Variants in CHM observed in about 807,000 individuals in gnomAD.
The protein encoded by CHM is rab proteins geranylgeranyltransferase component A 1.
In CHM, 10 loss-of-function variants were observed where a neutral mutation model predicts 49.0. That is an observed-to-expected ratio of 0.20 (90% CI 0.13 to 0.35). The LOEUF (loss-of-function observed/expected upper bound fraction) is 0.35. Among genes scored for constraint, CHM ranks in the 10% least tolerant of loss-of-function variants. CHM has a pLI of 1.00. For synonymous variants in CHM, 184 were observed against 167.5 expected, an observed-to-expected ratio of 1.10 and a Z score of -0.76; for missense variants, 455 against 478.4, an observed-to-expected ratio of 0.95 and a Z score of 0.46.
intron 2 of CHM, among the ~76,000 whole-genome samples, chrX:85,988,701 C>T (rs12849208): frequency 0.28 from 30,408 of 110,503 alleles, 3,513 homozygotes; most frequent in Admixed American, 0.39. Context: ...TCCCATGCAT[C>T]GATAATAGGC....
chrX:86,042,657 A>G (rs1250363738), intron 1 of CHM, among the ~76,000 whole-genome samples: 1 of 108,289 alleles, frequency 9.2e-6, no homozygotes, highest in Non-Finnish European at 1.9e-5. Flanking sequence ...ATCTCTACAA[A>G]AATAAAAAAA....
chrX:85,995,801 T>A (rs1932411575), intron 2 of CHM, among the ~76,000 whole-genome samples: 1 of 112,019 alleles, frequency 8.9e-6, no homozygotes, highest in African/African-American at 3.2e-5. Flanking sequence ...GAATACTAGA[T>A]TAGTTTGAAC....
chrX:85,964,339 C>G (rs1391894677), intron 4 of CHM, among the ~76,000 whole-genome samples: 1 of 110,608 alleles, frequency 9.0e-6, no homozygotes, highest in Admixed American at 9.6e-5. Flanking sequence ...CAAACCCTGA[C>G]CATATGACTA....
intron 12 of CHM, among the ~76,000 whole-genome samples, chrX:85,879,736 A>G (rs1176000203): frequency 1.8e-5 from 2 of 111,212 alleles, no homozygotes; most frequent in Non-Finnish European, 3.8e-5. Flanking sequence ...AGAAAGAATA[A>G]AGAGTTCTGT....
At chrX:86,045,932 A>G (rs1934636251) in intron 1 of CHM, among the ~76,000 whole-genome samples, 1 of 112,365 alleles carries the variant, frequency 8.9e-6, no homozygotes, top group Admixed American at 9.4e-5. Context: ...TGAATAGTCC[A>G]TTGGCTCTTT....
chrX:85,976,875 A>ACAC lies in CHM; in HGVS notation c.314+1891_314+1892insGTG, dbSNP rs371385149. 1.4e-3 allele frequency among the ~76,000 whole-genome samples: 108 copies of ACAC among 76,304 alleles called. 1 individual carries two copies. Among genetic ancestry groups the ACAC allele is most frequent in the Admixed American group, 2.5e-3 (14 of 5,662 alleles). 66.3% of individuals were successfully genotyped at this position (76,304 alleles called of 115,157 possible). Reference sequence around the variant, plus strand: ...CAATGCTAGGGGGAAAACACACACAAACACACACACACACACACACACACA... The same window carrying ACAC: ...CAATGCTAGGGGGAAAACACACACAACACACACACACACACACACACACACACA... On this transcript the variant is annotated intron_variant, in intron 4 of 14. Transcript: ENST00000357749.
intron 4 of CHM, among the ~76,000 whole-genome samples, chrX:85,967,808 C>T (rs1307162883): frequency 1.8e-5 from 2 of 111,342 alleles, no homozygotes; most frequent in Non-Finnish European, 1.9e-5. Flanking sequence ...TGCCAAAATT[C>T]ATATACTACT....
intron 12 of CHM, among the ~76,000 whole-genome samples, chrX:85,886,433 A>T (rs6623537): frequency 3.0e-4 from 34 of 112,348 alleles, no homozygotes; most frequent in African/African-American, 1.1e-3. Context: ...AAGTAAAAGT[A>T]GTTAGGAAAG....
chrX:85,993,688 T>C (rs1406257610), intron 2 of CHM, among the ~76,000 whole-genome samples: 10 of 112,076 alleles, frequency 8.9e-5, no homozygotes, highest in Non-Finnish European at 1.3e-4. Flanking sequence ...GTCTTATCTC[T>C]GGACATTGCC....
At chrX:85,896,359 C>A (rs1925834323) in intron 11 of CHM, among the ~76,000 whole-genome samples, 1 of 110,549 alleles carries the variant, frequency 9.0e-6, no homozygotes, top group African/African-American at 3.3e-5. Flanking sequence ...ATCAAAGCAA[C>A]TTTTAGGAAG....
intron 4 of CHM, among the ~76,000 whole-genome samples, chrX:85,974,993 A>G (rs1417915373): frequency 9.0e-6 from 1 of 110,950 alleles, no homozygotes; most frequent in Non-Finnish European, 1.9e-5. Flanking sequence ...CTGAAAACTC[A>G]ACAGTAAAAA....
intron 9 of CHM, among the ~76,000 whole-genome samples, chrX:85,906,748 T>G (rs945962638): frequency 1.8e-5 from 2 of 112,228 alleles, no homozygotes; most frequent in Non-Finnish European, 3.8e-5. Flanking sequence ...CATGCTAAAA[T>G]CAGTGCTTCA....
chrX:85,949,732 T>C (rs1929627150), intron 8 of CHM, among the ~76,000 whole-genome samples: 1 of 108,521 alleles, frequency 9.2e-6, no homozygotes, highest in Non-Finnish European at 1.9e-5. Flanking sequence ...CGTTCCCACC[T>C]AAAGTCATAA....
chrX:85,936,734 C>T (rs1365107664), intron 8 of CHM, among the ~76,000 whole-genome samples: 2 of 111,930 alleles, frequency 1.8e-5, no homozygotes, highest in African/African-American at 6.5e-5. Flanking sequence ...TAATCTAGAA[C>T]AAAAACAAAT....
chrX:86,002,750 G>A (rs1381302545), intron 2 of CHM, among the ~76,000 whole-genome samples: 1 of 112,559 alleles, frequency 8.9e-6, no homozygotes, highest in Non-Finnish European at 1.9e-5. Context: ...GAACTGGGCG[G>A]AGCTGACCAC....
intron 2 of CHM, among the ~76,000 whole-genome samples, chrX:86,013,058 A>G (rs1439569186): frequency 2.7e-5 from 3 of 111,189 alleles, no homozygotes; most frequent in Non-Finnish European, 5.7e-5. Context: ...CTTTCTTTGC[A>G]TACTCAGCAA....
At chrX:85,916,966 C>A (rs1448681595) in intron 8 of CHM, among the ~76,000 whole-genome samples, 2 of 112,377 alleles carry the variant, frequency 1.8e-5, no homozygotes, top group Non-Finnish European at 3.8e-5. Flanking sequence ...GAATATAAAT[C>A]ATTCTATTGT....
chrX:86,039,687 C>T (rs1409286181), intron 1 of CHM, among the ~76,000 whole-genome samples: 1 of 110,455 alleles, frequency 9.1e-6, no homozygotes, highest in Non-Finnish European at 1.9e-5. Context: ...CCCATTTTCC[C>T]GTGCGAATGT....
At chrX:85,916,829 C>T (rs943851470) in intron 8 of CHM, among the ~76,000 whole-genome samples, 3 of 112,307 alleles carry the variant, frequency 2.7e-5, no homozygotes, top group African/African-American at 9.7e-5. Flanking sequence ...AAAAGGAATG[C>T]TTATACACTG....
Sources: allele counts gnomAD v4.1 joint callset (sites outside exome capture counted in the v4.1 genomes callset), GRCh38; gene constraint gnomAD v4.1.1; transcripts MANE v1.5; gene names NCBI Gene and HGNC (gene_info 2026-07-23, HGNC 2026-07-21).